The following MSL3B variants were observed in gnomAD, a reference collection of about 807,000 sequenced individuals.
MSL3B encodes the protein MSL complex subunit 3B.
chr2:233,866,592 G>A, the MSL3B span: 4 of 826,698 alleles, frequency 4.8e-6, no homozygotes, highest in Non-Finnish European at 6.5e-6. Flanking sequence ...TTGGGCTGAG[G>A]TGAGGTGCTG....
chr2:233,867,285 C>T, the MSL3B span: 2 of 740,436 alleles, frequency 2.7e-6, no homozygotes, highest in Non-Finnish European at 5.0e-6. Context: ...TCCTTGTCTT[C>T]ACTACTGTCA....
the MSL3B span, chr2:233,868,331 G>A: frequency 5.1e-6 from 1 of 195,100 alleles, no homozygotes; most frequent in South Asian, 9.2e-5. Context: ...ACCCACCGTA[G>A]TTAAAAGGCC....
chr2:233,867,530 C>T, the MSL3B span: 7 of 290,202 alleles, frequency 2.4e-5, no homozygotes, highest in African/African-American at 4.6e-5. Flanking sequence ...GGATGGAGTG[C>T]GGTGGCGCGG....
the MSL3B span, chr2:233,867,310 T>C: frequency 4.3e-6 from 3 of 701,988 alleles, no homozygotes; most frequent in South Asian, 3.3e-5. Flanking sequence ...AACTGCTTAA[T>C]GAGTTTTCAT....
At chr2:233,867,495 AC>A in the MSL3B span, 1 of 327,620 alleles carries the variant, frequency 3.1e-6, no homozygotes. Flanking sequence ...TTTTTTTGTG[AC>A]AAGAGTTTCG....
At chr2:233,865,368 TTAAA>T in the MSL3B span, 1 of 152,224 alleles carries the variant, frequency 6.6e-6, no homozygotes, top group Non-Finnish European at 1.5e-5. Context: ...ATTTACTGGT[TTAAA>T]TGAATACGTA....
At chr2:233,865,864 G>A in the MSL3B span, 5 of 295,610 alleles carry the variant, frequency 1.7e-5, no homozygotes, top group African/African-American at 1.1e-4. Context: ...ATTTCACTGT[G>A]AACAGTTGCT....
chr2:233,867,863 T>C, the MSL3B span, among the ~76,000 whole-genome samples: 1 of 117,986 alleles, frequency 8.5e-6, no homozygotes, highest in Non-Finnish European at 1.8e-5. Context: ...CGATCTCGGC[T>C]CACTGCAACC....
At chr2:233,864,790 G>C in the MSL3B span, among the ~76,000 whole-genome samples, 25 of 152,250 alleles carry the variant, frequency 1.6e-4, no homozygotes, top group African/African-American at 5.8e-4. Flanking sequence ...TCAAACTCCA[G>C]TGCTCTAACC....
chr2:233,864,725 C>A, the MSL3B span, among the ~76,000 whole-genome samples: 1 of 152,020 alleles, frequency 6.6e-6, no homozygotes, highest in Non-Finnish European at 1.5e-5. Flanking sequence ...GACATTTAAC[C>A]AATGCTGAAA....
At chr2:233,866,673 C>T in the MSL3B span, 2 of 788,728 alleles carry the variant, frequency 2.5e-6, no homozygotes, top group East Asian at 2.4e-5. Flanking sequence ...GCTTGCGGCT[C>T]GGCTTTGCGC....
the MSL3B span, chr2:233,867,295 A>G: frequency 0.6 from 433,117 of 722,648 alleles, 131,980 homozygotes; most frequent in East Asian, 0.78. Context: ...CACTACTGTC[A>G]GAGGAACTGC....
At chr2:233,866,718 G>A in the MSL3B span, 3 of 792,606 alleles carry the variant, frequency 3.8e-6, no homozygotes, top group Non-Finnish European at 7.0e-6. Flanking sequence ...CTGGTCGACT[G>A]ACTCTCTGTA....
chr2:233,864,922 C>T, the MSL3B span, among the ~76,000 whole-genome samples: 3 of 121,814 alleles, frequency 2.5e-5, no homozygotes, highest in African/African-American at 7.5e-5. Context: ...TCCATCTGGA[C>T]ACTTACGGGT....
At chr2:233,866,363 G>T in the MSL3B span, 238 of 863,992 alleles carry the variant, frequency 2.8e-4, no homozygotes, top group Middle Eastern at 1.8e-3. Flanking sequence ...AGAGGGTGGA[G>T]GTGGCTGGTC....
chr2:233,865,283 T>C, the MSL3B span, among the ~76,000 whole-genome samples: 1 of 152,250 alleles, frequency 6.6e-6, no homozygotes, highest in South Asian at 2.1e-4. Context: ...CAATGAGGAA[T>C]ACCTACTTTT....
chr2:233,866,151 T>A, the MSL3B span: 2 of 614,076 alleles, frequency 3.3e-6, no homozygotes, highest in Non-Finnish European at 6.4e-6. Context: ...GCCTGGGGGT[T>A]CCTGGTGCTG....
chr2:233,866,965 A>G, the MSL3B span: 1 of 1,364,560 alleles, frequency 7.3e-7, no homozygotes, highest in East Asian at 2.3e-5. Context: ...CTGGGATATA[A>G]GGCACGTTCA....
At chr2:233,866,010 A>G in the MSL3B span, 1 of 381,632 alleles carries the variant, frequency 2.6e-6, no homozygotes, top group Non-Finnish European at 5.0e-6. Context: ...CCTCTGTCAA[A>G]GCCCCCTGGT....
Sources: allele counts gnomAD v4.1 joint callset (sites outside exome capture counted in the v4.1 genomes callset), GRCh38; gene constraint gnomAD v4.1.1; transcripts MANE v1.5; gene names NCBI Gene and HGNC (gene_info 2026-07-23, HGNC 2026-07-21).